SUFU: variants seen among roughly 807,000 people sequenced by gnomAD.
SUFU encodes SUFU negative regulator of hedgehog signaling, also known as suppressor of fused homolog.
Under a neutral mutation model 58.9 loss-of-function variants are expected in SUFU, and 7 were observed. The observed-to-expected ratio is 0.12, with a 90% CI of 0.07 to 0.22. The LOEUF (loss-of-function observed/expected upper bound fraction) is 0.22, where lower values mean the gene tolerates loss of function less well. Ranked by LOEUF, SUFU falls within the 10% of genes least tolerant of loss-of-function variation. The pLI, the probability that SUFU is intolerant of heterozygous loss-of-function variation, is 1.00. For synonymous variants in SUFU, 232 were observed against 254.8 expected, an observed-to-expected ratio of 0.91 and a Z score of 0.85; for missense variants, 451 against 641.3, an observed-to-expected ratio of 0.70 and a Z score of 3.20.
At chr10:102,604,370 G>C (rs113496989) in intron 8 of SUFU, among the ~76,000 whole-genome samples, 20 of 152,342 alleles carry the variant, frequency 1.3e-4, no homozygotes, top group African/African-American at 4.6e-4. Flanking sequence ...GGGCTCCACA[G>C]CAAGTCTGGC....
At position 102,633,394 on chromosome 10, in the gene SUFU, C is replaced by G. The variant is rs538132960; in HGVS notation, c.*3239C>G. ...ATTTTTGGGTGACTCACTTAGATGT[C>G]GTTTCCTTCTTGCCCCCTCTTCCTC... is the stretch of plus-strand genomic sequence containing the variant. On this transcript the variant is annotated 3_prime_UTR_variant, in exon 12 of 12. Transcript: ENST00000369902. 2.1e-5 allele frequency: 5 copies of G among 233,288 alleles called. No individual in the cohort carries two copies. The East Asian group carries it at 3.0e-4, about 14-fold the overall frequency. The allele number at this position is 233,288 out of a possible 1,614,324, so 14.5% of individuals were successfully genotyped here.
chr10:102,623,482 G>C (rs903912240), intron 10 of SUFU, among the ~76,000 whole-genome samples: 12 of 152,210 alleles, frequency 7.9e-5, no homozygotes, highest in Admixed American at 6.5e-5. Flanking sequence ...TGGGACTGCT[G>C]ATTTTCCAGG....
At chr10:102,600,894 T>A (rs1367257083) in intron 8 of SUFU, among the ~76,000 whole-genome samples, 1 of 152,140 alleles carries the variant, frequency 6.6e-6, no homozygotes, top group Admixed American at 6.5e-5. Context: ...CCAGCTGCCC[T>A]GAAGTAGCTG....
chr10:102,518,054 G>A (rs1195490502), intron 2 of SUFU, among the ~76,000 whole-genome samples: 1 of 152,092 alleles, frequency 6.6e-6, no homozygotes, highest in African/African-American at 2.4e-5. Context: ...TGACTTTGAG[G>A]CTCTCTCCCC....
At chr10:102,528,514 G>T (rs894256041) in intron 2 of SUFU, among the ~76,000 whole-genome samples, 16 of 152,136 alleles carry the variant, frequency 1.1e-4, no homozygotes, top group African/African-American at 3.9e-4. Flanking sequence ...AGGCTGTAGT[G>T]AGCTGTGATC....
intron 3 of SUFU, among the ~76,000 whole-genome samples, chr10:102,584,348 T>C (rs1031008810): frequency 2.6e-5 from 4 of 152,088 alleles, no homozygotes; most frequent in African/African-American, 7.2e-5. Flanking sequence ...TTGGTTCTCT[T>C]TGTCTTTTTT....
At chr10:102,522,856 A>G (rs2062566476) in intron 2 of SUFU, among the ~76,000 whole-genome samples, 1 of 152,232 alleles carries the variant, frequency 6.6e-6, no homozygotes, top group African/African-American at 2.4e-5. Flanking sequence ...AACAAGCAAC[A>G]TAAACCTGGT....
chr10:102,507,169 C>G (rs1332144321), intron 1 of SUFU, among the ~76,000 whole-genome samples: 1 of 152,178 alleles, frequency 6.6e-6, no homozygotes, highest in East Asian at 1.9e-4. Flanking sequence ...TAGTTCCTTG[C>G]AGTTGGAGTT....
At chr10:102,549,901 T>A in intron 2 of SUFU, 69 bp from the exon 3 acceptor site, 1 of 1,602,556 alleles carries the variant, frequency 6.2e-7, no homozygotes, top group Non-Finnish European at 8.5e-7. Flanking sequence ...GGGGAGAACT[T>A]TAGACTTTCA....
intron 3 of SUFU, among the ~76,000 whole-genome samples, chr10:102,585,947 C>T (rs896948588): frequency 2.7e-5 from 4 of 149,736 alleles, no homozygotes; most frequent in Non-Finnish European, 4.4e-5. Context: ...GGCAATGGCA[C>T]GATCCTGGCT....
At chr10:102,522,791 T>A (rs2062565368) in intron 2 of SUFU, among the ~76,000 whole-genome samples, 1 of 152,204 alleles carries the variant, frequency 6.6e-6, no homozygotes, top group African/African-American at 2.4e-5. Context: ...CAGACGTTAA[T>A]CTGCTCCGTA....
At chr10:102,551,191 T>G (rs1360590105) in intron 3 of SUFU, among the ~76,000 whole-genome samples, 1 of 152,262 alleles carries the variant, frequency 6.6e-6, no homozygotes, top group East Asian at 1.9e-4. Context: ...TACCATTGTA[T>G]GCCCTGTGGA....
Position 102,619,261 on chromosome 10 carries a change from T to G in SUFU, c.1296+1833T>G. On this transcript the variant is annotated intron_variant, in intron 10 of 11. Transcript: ENST00000369902. This position sits in a 1 kb window ranked among gnomAD's most constrained non-coding sequence, Gnocchi z 4.2. ...CCAATTCCCCAAGCCCCTGACCCCC[T>G]AGCTGCCGGGGTTCCCACTCCCAGT... 2 of 1,375,802 alleles carry G rather than the reference T, an allele frequency of 1.5e-6. No individual in the cohort carries two copies. Among genetic ancestry groups the G allele is most frequent in the East Asian group, 2.8e-5 (1 of 35,498 alleles). The allele number at this position is 1,375,802 out of a possible 1,614,324, so 85.2% of individuals were successfully genotyped here.
chr10:102,535,484 CAAA>C (rs11389840), intron 2 of SUFU, among the ~76,000 whole-genome samples: 2 of 113,704 alleles, frequency 1.8e-5, no homozygotes, highest in Admixed American at 9.1e-5. Context: ...GACTCCGTCT[CAAA>C]AAAAAAAAAA....
In SUFU at chr10:102,528,623, A is replaced by C. The variant is rs79363026; in HGVS notation, c.317+19320A>C. On this transcript the variant is annotated intron_variant, in intron 2 of 11. Coordinates refer to ENST00000369902, the MANE Select transcript of SUFU (RefSeq NM_016169.4). Reference sequence around the variant, plus strand: ...TCTTATTCCAGGAAACCCTTTGCTCACTGAAAGCCCAGGACAGAGTTAAGC... The same window carrying C: ...TCTTATTCCAGGAAACCCTTTGCTCCCTGAAAGCCCAGGACAGAGTTAAGC... Among the ~76,000 whole-genome samples, 142 of 152,290 alleles carry C rather than the reference A, an allele frequency of 9.3e-4. 4 individuals carry two copies. In the East Asian group the frequency reaches 0.027, roughly 29 times the overall value.
At chr10:102,568,506 G>GT (rs1170506563) in intron 3 of SUFU, among the ~76,000 whole-genome samples, 1 of 152,224 alleles carries the variant, frequency 6.6e-6, no homozygotes, top group East Asian at 1.9e-4. Context: ...AAAATAGGCA[G>GT]TTGTACTAAG....
At chr10:102,565,983 A>G (rs182831514) in intron 3 of SUFU, among the ~76,000 whole-genome samples, 36 of 152,344 alleles carry the variant, frequency 2.4e-4, no homozygotes, top group Non-Finnish European at 4.3e-4. Flanking sequence ...AGCACTTGCA[A>G]TTCAGGGATG....
chr10:102,558,226 A>C (rs1277051609), intron 3 of SUFU, among the ~76,000 whole-genome samples: 1 of 152,034 alleles, frequency 6.6e-6, no homozygotes, highest in Non-Finnish European at 1.5e-5. Flanking sequence ...TTTTTGAGAC[A>C]GGGTTCTTGC....
At chr10:102,587,614 C>T (rs1196844818) in intron 3 of SUFU, among the ~76,000 whole-genome samples, 1 of 152,142 alleles carries the variant, frequency 6.6e-6, no homozygotes, top group East Asian at 1.9e-4. Context: ...GCCATAGCCT[C>T]CCGAGTAGCT....
Sources: gnomAD v4.1 joint callset for allele counts (sites outside exome capture counted in the v4.1 genomes callset) on GRCh38, gnomAD v4.1.1 for gene constraint, Gnocchi (gnomAD v3.1) non-coding constraint, MANE v1.5 for transcripts, NCBI Gene and HGNC (gene_info 2026-07-23, HGNC 2026-07-21) for gene names.